SCAF8: variants seen among roughly 807,000 people sequenced by gnomAD.
SCAF8 encodes SR-related CTD associated factor 8, also known as SR-related and CTD-associated factor 8.
A neutral mutation model predicts 140.5 loss-of-function variants in SCAF8; 23 were observed. That is an observed-to-expected ratio of 0.16 (90% CI 0.12 to 0.23). The LOEUF (loss-of-function observed/expected upper bound fraction) is 0.23, where lower values mean the gene tolerates loss of function less well. Among genes scored for constraint, SCAF8 ranks in the 10% least tolerant of loss-of-function variants. The probability of loss-of-function intolerance (pLI) is 1.00; values close to 1 mark genes in which losing one functional copy is unlikely to be tolerated. For synonymous variants in SCAF8, 575 were observed against 528.9 expected (o/e 1.09, Z -1.20); for missense variants, 1,397 against 1,555.7 (o/e 0.90, Z 1.72).
At chr6:154,812,097 G>C (rs990668021) in intron 12 of SCAF8, among the ~76,000 whole-genome samples, 1 of 151,244 alleles carries the variant, frequency 6.6e-6, no homozygotes, top group Non-Finnish European at 1.5e-5. Context: ...TAAAAAGCAC[G>C]TGAATAAAAA....
chr6:154,786,521 G>C lies in SCAF8; in HGVS notation c.160-1340G>C, dbSNP rs1319892767. 1.5e-4 allele frequency among the ~76,000 whole-genome samples: 23 copies of C among 152,184 alleles called. 1 individual carries two copies. Among genetic ancestry groups the C allele is most frequent in the Admixed American group, 1.4e-3 (22 of 15,276 alleles). ...CAGACTGGTACCCAGGCAAGAAGAG[G>C]GTCTTTTTGGGAAAGGGCTATTATT... On this transcript the variant is annotated intron_variant, in intron 3 of 19. Transcript: ENST00000367178.
chr6:154,783,347 A>G (rs1224952702), intron 3 of SCAF8, among the ~76,000 whole-genome samples: 1 of 152,200 alleles, frequency 6.6e-6, no homozygotes, highest in Non-Finnish European at 1.5e-5. Context: ...GTTACAGTGA[A>G]ATACATTCTA....
At chr6:154,792,998 T>G (rs1426016910) in intron 5 of SCAF8, 22 bp downstream of exon 5, 2 of 1,576,898 alleles carry the variant, frequency 1.3e-6, no homozygotes. Flanking sequence ...TAATATAGAT[T>G]TGTTGTCTAA....
intron 19 of SCAF8, among the ~76,000 whole-genome samples, 178 bp downstream of exon 19, chr6:154,831,318 A>G (rs1778725677): frequency 6.6e-6 from 1 of 152,080 alleles, no homozygotes; most frequent in Non-Finnish European, 1.5e-5. Context: ...CCTTCTGTTC[A>G]GGATAATCTA....
rs201765230 is a variant in SCAF8 at position 154,832,467 on chromosome 6, A to C, written c.2888A>C (p.His963Pro). Residue 963 changes from histidine to proline, a missense_variant, in exon 20 of 20, where the codon CAT (histidine) becomes CCT (proline). Coordinates refer to ENST00000367178, the MANE Select transcript of SCAF8 (RefSeq NM_014892.5). The part of the protein sequence containing the change: ...PPPSVLDSAL[H>P]PPPRGPFPPG... Reference sequence around the variant, plus strand: ...CCATCGGTACTTGATTCAGCTCTTCATCCACCACCCCGTGGACCTTTTCCT... The same window carrying C: ...CCATCGGTACTTGATTCAGCTCTTCCTCCACCACCCCGTGGACCTTTTCCT... The C allele has an allele frequency of 1.9e-6, 3 of 1,614,036 alleles. No individual in the cohort carries two copies. Among genetic ancestry groups the C allele is most frequent in the African/African-American group, 2.7e-5 (2 of 75,010 alleles).
chr6:154,820,717 TAGC>T (rs1039737415), intron 15 of SCAF8, among the ~76,000 whole-genome samples: 3 of 152,298 alleles, frequency 2.0e-5, no homozygotes, highest in Admixed American at 6.5e-5. Flanking sequence ...ATGTTGAAAA[TAGC>T]AGCAATAGAA....
intron 1 of SCAF8, among the ~76,000 whole-genome samples, chr6:154,737,219 T>G (rs942247245): frequency 2.0e-5 from 3 of 152,190 alleles, no homozygotes; most frequent in Non-Finnish European, 4.4e-5. Context: ...CTTTTAAAGG[T>G]GTTTATCTTT....
intron 17 of SCAF8, 46 bp downstream of exon 17, chr6:154,824,424 TTTAAG>T (rs1387725263): frequency 1.3e-6 from 2 of 1,526,828 alleles, no homozygotes; most frequent in Non-Finnish European, 1.8e-6. Context: ...TAGATTATCA[TTTAAG>T]TTGTGTTTCT....
At chr6:154,767,529 C>CTTTTTT (rs71021076) in intron 1 of SCAF8, among the ~76,000 whole-genome samples, 4 of 91,024 alleles carry the variant, frequency 4.4e-5, no homozygotes, top group South Asian at 3.5e-4. Flanking sequence ...CTTCTGTTAT[C>CTTTTTT]TTTTTTTTTT....
Position 154,822,536 on chromosome 6 carries a change from GGGAAAAGAA to G in SCAF8, c.1926+128_1926+136del, listed in dbSNP as rs1778451896. On this transcript the variant is annotated intron_variant, in intron 16 of 19. Transcript: ENST00000367178. ...GAATAAATGTTTGTCAGTAGTGTTAGGGAAAAGAATATTTCTTTTAAATAAAAAAAAAGT... is the reference window on the plus strand; with the variant it reads ...GAATAAATGTTTGTCAGTAGTGTTAGTATTTCTTTTAAATAAAAAAAAAGT... The G allele has an allele frequency of 4.2e-6, 4 of 955,438 alleles. No homozygotes were observed. In the East Asian group the frequency reaches 1.0e-4, roughly 24 times the overall value. The allele number at this position is 955,438 out of a possible 1,614,324, so 59.2% of individuals were successfully genotyped here.
At chr6:154,803,519 G>A (rs1225728838) in intron 7 of SCAF8, 25 bp from the exon 8 acceptor site, 1 of 1,555,772 alleles carries the variant, frequency 6.4e-7, no homozygotes, top group South Asian at 1.1e-5. Flanking sequence ...TTTTTAATAT[G>A]TCTGTTTCTC....
At chr6:154,748,895 G>C (rs1007781085) in intron 1 of SCAF8, among the ~76,000 whole-genome samples, 4 of 152,210 alleles carry the variant, frequency 2.6e-5, no homozygotes, top group African/African-American at 9.6e-5. Context: ...TCTTAGAGCT[G>C]TAACAGTTTA....
At chr6:154,777,199 A>G (rs926588955) in intron 2 of SCAF8, among the ~76,000 whole-genome samples, 2 of 152,174 alleles carry the variant, frequency 1.3e-5, no homozygotes, top group Non-Finnish European at 2.9e-5. Context: ...AAAAAAAAAA[A>G]AGTATAAAGA....
At chr6:154,779,910 G>A (rs1274559388) in intron 3 of SCAF8, among the ~76,000 whole-genome samples, 1 of 151,904 alleles carries the variant, frequency 6.6e-6, no homozygotes, top group Admixed American at 6.6e-5. Context: ...TCCCCCTGTG[G>A]TAACGTTCTG....
chr6:154,789,587 C>T (rs1777353598), intron 4 of SCAF8, among the ~76,000 whole-genome samples: 1 of 149,704 alleles, frequency 6.7e-6, no homozygotes, highest in South Asian at 2.1e-4. Context: ...GCTCTTTCAC[C>T]CAGGCTGGAG....
rs145342943 is a variant in SCAF8 at position 154,833,140 on chromosome 6, G to C, written c.3561G>C (p.Trp1187Cys). 18 of 1,613,914 alleles carry C rather than the reference G, an allele frequency of 1.1e-5. No homozygotes were observed. Among genetic ancestry groups the C allele is most frequent in the Non-Finnish European group, 1.4e-5 (17 of 1,179,996 alleles). The stretch of plus-strand genomic sequence containing the variant: ...GACGAGACAGAATTCAAAACACTTG[G>C]GTTCCCCCTCCTCATGCTCGGGTTT... The part of the protein sequence containing the change: ...RLGRDRIQNT[W>C]VPPPHARVFD... The change falls in exon 20 of 20, where the codon TGG (tryptophan) becomes TGC (cysteine). Residue 1187 changes from tryptophan to cysteine, a missense_variant. By Grantham distance (215) the Trp-to-Cys change is radical. Transcript: ENST00000367178.
In SCAF8 at chr6:154,733,782, G is replaced by A. The variant is rs901169276; in HGVS notation, c.-119G>A. 1.8e-5 allele frequency: 25 copies of A among 1,379,816 alleles called. No individual in the cohort carries two copies. Among genetic ancestry groups the A allele is most frequent in the African/African-American group, 7.6e-5 (5 of 65,940 alleles). The allele number at this position is 1,379,816 out of a possible 1,614,324, so 85.5% of individuals were successfully genotyped here. On this transcript the variant is annotated 5_prime_UTR_variant, in exon 1 of 20. Coordinates refer to ENST00000367178, the MANE Select transcript of SCAF8 (RefSeq NM_014892.5). ...CTCCGCCCCGAGGTCGCAGCGGCCCGCTCTCCCGCCAGCGCCCCCTCCTCG... is the reference window on the plus strand; with the variant it reads ...CTCCGCCCCGAGGTCGCAGCGGCCCACTCTCCCGCCAGCGCCCCCTCCTCG...
chr6:154,778,161 C>A, intron 3 of SCAF8, 116 bp downstream of exon 3: 1 of 581,878 alleles, frequency 1.7e-6, no homozygotes, highest in Non-Finnish European at 3.0e-6. Context: ...AAAAGTGATT[C>A]CAGTTATTTT....
chr6:154,822,303 C>G lies in SCAF8; in HGVS notation c.1820C>G (p.Pro607Arg), dbSNP rs775991008. Residue 607 changes from proline to arginine, a missense_variant, in exon 16 of 20, where the codon CCT becomes CGT. By Grantham distance (103) the Pro-to-Arg change is moderately radical. This residue lies in a region of SCAF8 where 930 missense variants were observed against 874.6 expected (regional missense o/e 1.06). Transcript: ENST00000367178. The stretch of plus-strand genomic sequence containing the variant: ...TGGGAAACTGTGAAAAGCTCAGAAC[C>G]TGTTAAAGAGACGGTCCAGACAACT... ...TEWETVKSSE[P>R]VKETVQTTQS... The G allele has an allele frequency of 3.1e-6, 5 of 1,612,756 alleles. No homozygotes were observed. Among genetic ancestry groups the G allele is most frequent in the Non-Finnish European group, 4.2e-6 (5 of 1,179,232 alleles).
Sources: gnomAD v4.1 joint callset for allele counts (sites outside exome capture counted in the v4.1 genomes callset) on GRCh38, gnomAD v4.1.1 for gene constraint, gnomAD v4.1.1 regional missense constraint, MANE v1.5 for transcripts, NCBI Gene and HGNC (gene_info 2026-07-23, HGNC 2026-07-21) for gene names.